Variants in ZNF618 observed in about 807,000 individuals in gnomAD.
The protein encoded by ZNF618 is zinc finger protein 618, also known as neural precursor cell expressed, developmentally down-regulated 10.
A neutral mutation model predicts 103.0 loss-of-function variants in ZNF618; 34 were observed. The ratio of observed to expected loss-of-function variants is 0.33; its 90% CI spans 0.25 to 0.44. ZNF618 has a LOEUF of 0.44. Among genes scored for constraint, ZNF618 ranks in the 20% least tolerant of loss-of-function variants. The pLI, the probability that ZNF618 is intolerant of heterozygous loss-of-function variation, is 1.00. For synonymous variants in ZNF618, 551 were observed against 542.2 expected, an observed-to-expected ratio of 1.02 and a Z score of -0.23; for missense variants, 1,059 against 1,295.4, an observed-to-expected ratio of 0.82 and a Z score of 2.80.
At chr9:114,033,828 G>A (rs7035891) in intron 12 of ZNF618, among the ~76,000 whole-genome samples, 49,398 of 146,854 alleles carry the variant, frequency 0.34, 8,930 homozygotes, top group East Asian at 0.66. Context: ...GTCAGCCTGT[G>A]CCAGGCACTG....
chr9:113,948,176 T>G (rs1835230844), intron 1 of ZNF618, among the ~76,000 whole-genome samples: 2 of 152,206 alleles, frequency 1.3e-5, no homozygotes, highest in South Asian at 4.1e-4. Context: ...GGTGGAATTT[T>G]CACTCCCTTT....
At chr9:113,914,845 G>C (rs1010680324) in intron 1 of ZNF618, among the ~76,000 whole-genome samples, 1 of 152,072 alleles carries the variant, frequency 6.6e-6, no homozygotes, top group Non-Finnish European at 1.5e-5. Flanking sequence ...TTGACAACTT[G>C]GATGTAACAG....
intron 1 of ZNF618, among the ~76,000 whole-genome samples, chr9:113,946,155 G>A (rs1047794958): frequency 6.6e-6 from 1 of 152,210 alleles, no homozygotes; most frequent in African/African-American, 2.4e-5. Context: ...TTGGCGCTCT[G>A]CGGAGCCCCC....
At chr9:114,020,389 G>A (rs187022280) in intron 10 of ZNF618, among the ~76,000 whole-genome samples, 1 of 152,224 alleles carries the variant, frequency 6.6e-6, no homozygotes, top group East Asian at 1.9e-4. Flanking sequence ...TATTGAATCT[G>A]TAGATCAATT....
rs1451385360 is a variant in ZNF618 at position 113,962,649 on chromosome 9, C to A, written c.34-6468C>A. 3.9e-5 allele frequency among the ~76,000 whole-genome samples: 6 copies of A among 152,158 alleles called. 1 individual carries two copies. The highest frequency in any genetic ancestry group is 3.3e-4 in the Admixed American group (5 of 15,270). ...GTCCTGGGGTCATTTGCACTGGCATCCACTTTGCCCCAGACACCACATGGC... is the reference window on the plus strand; with the variant it reads ...GTCCTGGGGTCATTTGCACTGGCATACACTTTGCCCCAGACACCACATGGC... On this transcript the variant is annotated intron_variant, in intron 1 of 14. Transcript: ENST00000374126.
chr9:113,977,761 A>T (rs926049864), intron 2 of ZNF618, among the ~76,000 whole-genome samples: 2 of 152,154 alleles, frequency 1.3e-5, no homozygotes, highest in Admixed American at 1.3e-4. Context: ...ATGCCACAGC[A>T]CCCTCAAAAG....
intron 1 of ZNF618, among the ~76,000 whole-genome samples, chr9:113,943,519 A>G (rs1330167): frequency 1 from 151,713 of 152,244 alleles, 75,593 homozygotes; most frequent in Middle Eastern, 1. Flanking sequence ...CATCTCAGGA[A>G]AGCAGTTGCC....
intron 1 of ZNF618, among the ~76,000 whole-genome samples, chr9:113,949,622 A>G (rs1835354994): frequency 6.6e-6 from 1 of 151,974 alleles, no homozygotes; most frequent in Non-Finnish European, 1.5e-5. Context: ...CAGGGGTTGT[A>G]TGCTCCCCGC....
chr9:114,000,246 G>A (rs982267760), intron 4 of ZNF618, among the ~76,000 whole-genome samples: 8 of 152,068 alleles, frequency 5.3e-5, no homozygotes, highest in South Asian at 2.1e-4. Flanking sequence ...GATGAACCTC[G>A]TTGATACAGA....
chr9:113,906,640 G>A (rs962361192), intron 1 of ZNF618, among the ~76,000 whole-genome samples: 2 of 152,208 alleles, frequency 1.3e-5, no homozygotes, highest in East Asian at 1.9e-4. Context: ...AATGGAAACT[G>A]AGAGAGCTGG....
At chr9:114,007,543 A>G in intron 7 of ZNF618, 104 bp downstream of exon 7, 1 of 1,105,894 alleles carries the variant, frequency 9.0e-7, no homozygotes, top group East Asian at 2.6e-5. Flanking sequence ...TTACCCAGAA[A>G]AAGGCCAGGC....
chr9:113,915,249 A>G (rs1406588822), intron 1 of ZNF618, among the ~76,000 whole-genome samples: 1 of 152,188 alleles, frequency 6.6e-6, no homozygotes, highest in Non-Finnish European at 1.5e-5. Context: ...TGTCACTCAA[A>G]GCTTCTGCCC....
chr9:113,886,971 CTT>C (rs57000343), intron 1 of ZNF618, among the ~76,000 whole-genome samples: 3,307 of 108,908 alleles, frequency 0.03, 47 homozygotes, highest in African/African-American at 0.05. Flanking sequence ...TTACTTTCTA[CTT>C]TTTTTTTTTT....
At chr9:113,931,315 T>C (rs757147829) in intron 1 of ZNF618, among the ~76,000 whole-genome samples, 3 of 152,082 alleles carry the variant, frequency 2.0e-5, no homozygotes, top group Non-Finnish European at 4.4e-5. Flanking sequence ...TTTAGGAGCG[T>C]GGGGCAGGAG....
intron 9 of ZNF618, chr9:114,016,111 A>G: frequency 6.2e-7 from 1 of 1,608,066 alleles, no homozygotes; most frequent in Non-Finnish European, 8.5e-7. Flanking sequence ...ATTTTCCCCC[A>G]GTGAACAATA....
intron 12 of ZNF618, 100 bp from the exon 13 acceptor site, chr9:114,036,200 G>A: frequency 1.9e-6 from 2 of 1,073,796 alleles, no homozygotes; most frequent in South Asian, 2.9e-5. Context: ...CAGAGACCCG[G>A]TGTGTGTTTG....
chr9:114,016,219 C>G, intron 9 of ZNF618: 2 of 1,554,956 alleles, frequency 1.3e-6, no homozygotes, highest in East Asian at 4.5e-5. Context: ...GTGACCCCTG[C>G]TGCTAGTGGG....
chr9:114,012,019 A>G (rs928640749), intron 9 of ZNF618, among the ~76,000 whole-genome samples: 2 of 151,006 alleles, frequency 1.3e-5, no homozygotes, highest in Non-Finnish European at 3.0e-5. Context: ...TCACTTGAAT[A>G]GTTAAAAAAA....
intron 2 of ZNF618, among the ~76,000 whole-genome samples, chr9:113,985,685 G>A (rs1343964908): frequency 6.6e-6 from 1 of 152,174 alleles, no homozygotes; most frequent in Non-Finnish European, 1.5e-5. Context: ...GGGCAGCCTC[G>A]GCTGTGGGTG....
Sources: gnomAD v4.1 joint callset for allele counts (sites outside exome capture counted in the v4.1 genomes callset) on GRCh38, gnomAD v4.1.1 for gene constraint, MANE v1.5 for transcripts, NCBI Gene and HGNC (gene_info 2026-07-23, HGNC 2026-07-21) for gene names.